Variants in FCRL1 observed in about 807,000 individuals in gnomAD.
The protein encoded by FCRL1 is Fc receptor like 1, also known as Fc receptor-like protein 1.
FCRL1 carries 34 observed loss-of-function variants against 49.2 expected under a neutral mutation model. That is an observed-to-expected ratio of 0.69 (90% CI 0.53 to 0.92). The LOEUF (loss-of-function observed/expected upper bound fraction) is 0.92, where lower values mean the gene tolerates loss of function less well. Ranked by LOEUF, FCRL1 falls within the 40% of genes least tolerant of loss-of-function variation. The pLI is 0.00. For synonymous variants in FCRL1, 218 were observed against 201.6 expected, an observed-to-expected ratio of 1.08 and a Z score of -0.69; for missense variants, 524 against 524.1, an observed-to-expected ratio of 1.00 and a Z score of 0.00.
intron 2 of FCRL1, among the ~76,000 whole-genome samples, chr1:157,805,737 A>T (rs1653330724): frequency 6.6e-6 from 1 of 152,182 alleles, no homozygotes. Flanking sequence ...TCTACTAAAA[A>T]CACAAAAATT....
At chr1:157,803,614 C>T (rs959598972) in intron 3 of FCRL1, among the ~76,000 whole-genome samples, 1 of 152,212 alleles carries the variant, frequency 6.6e-6, no homozygotes, top group African/African-American at 2.4e-5. Flanking sequence ...CCACACCCTC[C>T]AGCACAGTGA....
intron 1 of FCRL1, among the ~76,000 whole-genome samples, chr1:157,815,776 A>G (rs1281163298): frequency 6.6e-6 from 1 of 151,950 alleles, no homozygotes; most frequent in African/African-American, 2.4e-5. Context: ...ATCACAACTG[A>G]CATCACAGAT....
In FCRL1 at chr1:157,796,019, C is replaced by A; in HGVS notation, c.*80G>T. 1.7e-6 allele frequency: 2 copies of A among 1,167,682 alleles called. No homozygotes were observed. Among genetic ancestry groups the A allele is most frequent in the South Asian group, 1.2e-5 (1 of 81,202 alleles). 72.3% of individuals were successfully genotyped at this position (1,167,682 alleles called of 1,614,324 possible). A position where few individuals can be genotyped will look rare whatever the true frequency, so the allele number is the denominator to read the frequency against. Reference sequence around the variant, plus strand: ...GAAGAGGTATACTGGAAAGCTAATGCCCCAGGATCTCTGAAGAACATATCA... The same window carrying A: ...GAAGAGGTATACTGGAAAGCTAATGACCCAGGATCTCTGAAGAACATATCA... On this transcript the variant is annotated 3_prime_UTR_variant, in exon 11 of 11. Coordinates refer to ENST00000368176, the MANE Select transcript of FCRL1 (RefSeq NM_052938.5).
intron 2 of FCRL1, among the ~76,000 whole-genome samples, chr1:157,805,776 T>A (rs1478616027): frequency 6.6e-6 from 1 of 151,982 alleles, no homozygotes; most frequent in East Asian, 1.9e-4. Flanking sequence ...GAGTTTGTAG[T>A]CCCCAGCTAC....
At position 157,801,448 on chromosome 1, in the gene FCRL1, T is replaced by G; in HGVS notation, c.1003+13A>C. 1.3e-6 allele frequency: 2 copies of G among 1,537,180 alleles called. No individual in the cohort carries two copies. The highest frequency in any genetic ancestry group is 1.8e-6 in the Non-Finnish European group (2 of 1,111,296). On this transcript the variant is annotated intron_variant, in intron 6 of 10. Transcript: ENST00000368176. ...ATCACAGTAACAAAATGCCACTCTC[T>G]TTAAATACTAACCTATTTTTCTTTT...
intron 10 of FCRL1, 50 bp from the exon 11 acceptor site, chr1:157,796,220 T>G: frequency 6.9e-7 from 1 of 1,450,464 alleles, no homozygotes; most frequent in Non-Finnish European, 9.7e-7. Flanking sequence ...AGAACATGCC[T>G]CCACTGGTCC....
At chr1:157,801,659 C>A in intron 5 of FCRL1, 82 bp from the exon 6 acceptor site, 2 of 1,026,102 alleles carry the variant, frequency 1.9e-6, no homozygotes, top group Admixed American at 2.2e-5. Context: ...GTGGGTTGTG[C>A]CCAAGGTCTG....
At chr1:157,813,545 C>A (rs1044771125) in intron 1 of FCRL1, among the ~76,000 whole-genome samples, 2 of 152,076 alleles carry the variant, frequency 1.3e-5, no homozygotes. Context: ...ACCCAGTTAG[C>A]TGAGGAAAAT....
rs1395603756 is a variant in FCRL1 at position 157,802,155 on chromosome 1, T to A, written c.646A>T (p.Arg216Trp). 1.2e-6 allele frequency: 2 copies of A among 1,614,020 alleles called. No individual in the cohort carries two copies. The highest frequency in any genetic ancestry group is 3.3e-5 in the Admixed American group (2 of 60,010). ...SRPILMLRAPRAQAAVEDVLE... is the reference protein window; with the variant it reads ...SRPILMLRAPWAQAAVEDVLE... ...ACATCCTCCACTGCAGCCTGGGCCC[T>A]GGGAGCCCTGAGCATGAGGATTGGG... Residue 216 changes from arginine to tryptophan, a missense_variant, in exon 5 of 11, where the codon AGG (arginine) becomes TGG (tryptophan). Arg to Trp is a moderately radical substitution (Grantham distance 101). Transcript: ENST00000368176.
chr1:157,815,006 G>C (rs1274657381), intron 1 of FCRL1, among the ~76,000 whole-genome samples: 1 of 151,938 alleles, frequency 6.6e-6, no homozygotes, highest in East Asian at 1.9e-4. Flanking sequence ...TATAATAATA[G>C]TAGGGGACTT....
chr1:157,811,865 A>T (rs1654361510), intron 1 of FCRL1, among the ~76,000 whole-genome samples: 1 of 152,150 alleles, frequency 6.6e-6, no homozygotes, highest in Non-Finnish European at 1.5e-5. Flanking sequence ...TAGTGGCTTC[A>T]GTGCCCCAAC....
chr1:157,801,312 C>G (rs1652427255), intron 6 of FCRL1, 149 bp downstream of exon 6: 2 of 649,584 alleles, frequency 3.1e-6, no homozygotes, highest in Non-Finnish European at 5.6e-6. Context: ...TTAATAGGCA[C>G]TGTTCCTACC....
intron 1 of FCRL1, among the ~76,000 whole-genome samples, chr1:157,808,944 A>T (rs982175486): frequency 1.1e-4 from 16 of 152,210 alleles, no homozygotes; most frequent in African/African-American, 3.9e-4. Flanking sequence ...CATTTCCTGA[A>T]TTGGAGAAGT....
chr1:157,798,061 A>G (rs1321295238), intron 8 of FCRL1, 100 bp downstream of exon 8: 2 of 1,495,474 alleles, frequency 1.3e-6, no homozygotes, highest in South Asian at 1.1e-5. Context: ...AGCAGAGGCT[A>G]GGGCACAGCA....
At chr1:157,799,282 G>A (rs951687209) in intron 7 of FCRL1, among the ~76,000 whole-genome samples, 10 of 152,134 alleles carry the variant, frequency 6.6e-5, no homozygotes, top group Non-Finnish European at 1.2e-4. Flanking sequence ...TTACAGGTGC[G>A]AGCCACTGTG....
At chr1:157,813,323 G>T (rs188891543) in intron 1 of FCRL1, among the ~76,000 whole-genome samples, 1 of 152,084 alleles carries the variant, frequency 6.6e-6, no homozygotes, top group African/African-American at 2.4e-5. Context: ...ACTTATAAGA[G>T]AATACAGATG....
intron 1 of FCRL1, among the ~76,000 whole-genome samples, chr1:157,809,628 T>A (rs1654015493): frequency 6.6e-6 from 1 of 150,998 alleles, no homozygotes; most frequent in South Asian, 2.1e-4. Context: ...AATTTTGTAT[T>A]TTTTTTTTCT....
At chr1:157,803,746 T>G in intron 3 of FCRL1, 99 bp downstream of exon 3, 1 of 1,426,158 alleles carries the variant, frequency 7.0e-7, no homozygotes, top group East Asian at 2.3e-5. Flanking sequence ...TTCAAACAGC[T>G]CCTACTCTTG....
In FCRL1 at chr1:157,796,087, T is replaced by C. The variant is rs1238403847; in HGVS notation, c.*12A>G. On this transcript the variant is annotated 3_prime_UTR_variant, in exon 11 of 11. Transcript: ENST00000368176. The stretch of plus-strand genomic sequence containing the variant: ...CATGGATGGTTTTCAAAGAGCAGAA[T>C]CTTCCATAACCTTACATAGCATCTT... 4.3e-6 allele frequency: 7 copies of C among 1,611,680 alleles called. No homozygotes were observed. The highest frequency in any genetic ancestry group is 5.9e-6 in the Non-Finnish European group (7 of 1,177,912).
Sources: allele counts gnomAD v4.1 joint callset (sites outside exome capture counted in the v4.1 genomes callset), GRCh38; gene constraint gnomAD v4.1.1; transcripts MANE v1.5; gene names NCBI Gene and HGNC (gene_info 2026-07-23, HGNC 2026-07-21).